DPH7: variants seen among roughly 807,000 people sequenced by gnomAD.
DPH7 encodes diphthine methyltransferase.
In DPH7, 44 loss-of-function variants were observed where a neutral mutation model predicts 41.7. The ratio of observed to expected loss-of-function variants is 1.05; its 90% CI spans 0.83 to 1.36. The LOEUF is 1.36. DPH7 is among the 40% of genes most tolerant of loss of function. The pLI is 0.00. For missense variants in DPH7, 629 were observed against 577.5 expected (o/e 1.09, Z -0.91); for synonymous variants, 275 against 238.0 (o/e 1.16, Z -1.43).
chr9:137,562,977 G>T (rs542277180), intron 8 of DPH7, among the ~76,000 whole-genome samples: 2 of 148,908 alleles, frequency 1.3e-5, no homozygotes, highest in South Asian at 4.3e-4. Flanking sequence ...AAAAAAAAAA[G>T]ATCTCAAATT....
At chr9:137,571,332 G>A (rs1056175301) in intron 5 of DPH7, among the ~76,000 whole-genome samples, 1 of 151,780 alleles carries the variant, frequency 6.6e-6, no homozygotes. Context: ...GACTACAGGC[G>A]CCTGCCACCA....
At chr9:137,578,583 G>A in intron 1 of DPH7, 42 bp downstream of exon 1, 1 of 1,432,388 alleles carries the variant, frequency 7.0e-7, no homozygotes. Context: ...TCAACCTCGT[G>A]GCCGGCCCCG....
chr9:137,562,827 C>T (rs891547308), intron 8 of DPH7, among the ~76,000 whole-genome samples: 5 of 151,946 alleles, frequency 3.3e-5, no homozygotes, highest in Admixed American at 6.6e-5. Flanking sequence ...ATTAGCCAGG[C>T]GTGGTGGCAC....
intron 5 of DPH7, among the ~76,000 whole-genome samples, chr9:137,571,073 G>A (rs879570858): frequency 3.3e-5 from 5 of 152,200 alleles, no homozygotes; most frequent in South Asian, 2.1e-4. Context: ...CAGGAGGATC[G>A]CTTGACCCTG....
At position 137,564,569 on chromosome 9, in the gene DPH7, T is replaced by G; in HGVS notation, c.814A>C (p.Met272Leu). ...EHILLWDTRN[M>L]KQPLADTPVQ... is the part of the protein sequence containing the mutation. ...GGCGTATCTGCCAACGGCTGCTTCA[T>G]GTTTCGTGTGTCCCACAGTAGGATG... is the stretch of plus-strand genomic sequence containing the variant. The change falls in exon 8 of 9, where the codon ATG becomes CTG. Residue 272 changes from methionine to leucine, a missense_variant. By Grantham distance (15) the Met-to-Leu change is conservative. Coordinates refer to ENST00000277540, the MANE Select transcript of DPH7 (RefSeq NM_138778.5). The G allele has an allele frequency of 6.2e-7, 1 of 1,613,898 alleles. No individual in the cohort carries two copies. The highest frequency in any genetic ancestry group is 8.5e-7 in the Non-Finnish European group (1 of 1,179,806).
At chr9:137,576,320 G>A in intron 2 of DPH7, 153 bp from the exon 3 acceptor site, 2 of 637,216 alleles carry the variant, frequency 3.1e-6, no homozygotes, top group Admixed American at 2.4e-5. Context: ...TTGATTATAT[G>A]GTATGGCCCA....
rs1378911277 is a variant in DPH7 at position 137,556,964 on chromosome 9, T to C, written c.950-1316A>G. On this transcript the variant is annotated intron_variant, in intron 8 of 8. Coordinates refer to ENST00000277540, the MANE Select transcript of DPH7 (RefSeq NM_138778.5). The surrounding 1 kb of genome is among the most constrained non-coding windows in gnomAD (Gnocchi z 5.2). Reference sequence around the variant, plus strand: ...GCCACAGGCCAACGTTTCCTCCCTCTTTTTATTTTCAAGACAGGACCTCAC... The same window carrying C: ...GCCACAGGCCAACGTTTCCTCCCTCCTTTTATTTTCAAGACAGGACCTCAC... 3 of 453,490 alleles carry C rather than the reference T, an allele frequency of 6.6e-6. No individual in the cohort carries two copies. The Admixed American group carries it at 7.1e-5, about 11-fold the overall frequency. The allele number at this position is 453,490 out of a possible 1,614,324, so 28.1% of individuals were successfully genotyped here.
intron 5 of DPH7, among the ~76,000 whole-genome samples, chr9:137,572,669 C>G (rs1157631525): frequency 2.6e-5 from 4 of 152,192 alleles, no homozygotes; most frequent in Non-Finnish European, 5.9e-5. Flanking sequence ...CATGAGTTAT[C>G]TCTACCTGGG....
At chr9:137,572,843 G>C (rs1840672936) in intron 5 of DPH7, among the ~76,000 whole-genome samples, 1 of 152,188 alleles carries the variant, frequency 6.6e-6, no homozygotes, top group African/African-American at 2.4e-5. Flanking sequence ...TATCCAAAAA[G>C]GGTGCAGACA....
intron 2 of DPH7, among the ~76,000 whole-genome samples, chr9:137,577,204 T>G (rs913181919): frequency 1.3e-5 from 2 of 152,138 alleles, no homozygotes; most frequent in Admixed American, 6.5e-5. Flanking sequence ...GCTCCAAAAG[T>G]GGGCTAGAGC....
intron 5 of DPH7, among the ~76,000 whole-genome samples, chr9:137,569,303 C>T (rs955404791): frequency 1.5e-5 from 2 of 136,812 alleles, no homozygotes; most frequent in Non-Finnish European, 3.2e-5. Context: ...ATCCATCCAC[C>T]CATGCCCCCA....
At chr9:137,558,424 T>C (rs1837899264) in intron 8 of DPH7, among the ~76,000 whole-genome samples, 1 of 152,070 alleles carries the variant, frequency 6.6e-6, no homozygotes, top group Non-Finnish European at 1.5e-5. Flanking sequence ...AAACTCACCA[T>C]AGCCAAAAGG....
At position 137,555,155 on chromosome 9, in the gene DPH7, G is replaced by A. The variant is rs1588754121; in HGVS notation, c.*84C>T. The A allele has an allele frequency of 2.0e-6, 3 of 1,473,432 alleles. No individual in the cohort carries two copies. Among genetic ancestry groups the A allele is most frequent in the Non-Finnish European group, 2.7e-6 (3 of 1,103,450 alleles). 91.3% of individuals were successfully genotyped at this position (1,473,432 alleles called of 1,614,324 possible). On this transcript the variant is annotated 3_prime_UTR_variant, in exon 9 of 9. Transcript: ENST00000277540. ...ACAGGCACCTGCAGGGCTGCAGTAA[G>A]CATCTCTGATGAGGTGGTCCCGGGC...
At chr9:137,564,819 GGAA>G (rs1220334539) in intron 7 of DPH7, 71 bp downstream of exon 7, 6 of 1,519,232 alleles carry the variant, frequency 3.9e-6, no homozygotes, top group Non-Finnish European at 5.4e-6. Context: ...AGCGAAAGAG[GGAA>G]GAAGGGCCCA....
Position 137,574,329 on chromosome 9 carries a change from G to A in DPH7, c.519C>T (p.Leu173=), listed in dbSNP as rs760273468. 6.2e-7 allele frequency: 1 copy of A among 1,614,196 alleles called. No individual in the cohort carries two copies. The highest frequency in any genetic ancestry group is 8.5e-7 in the Non-Finnish European group (1 of 1,180,044). The part of the protein sequence containing the change: ...KIISSDSTGQ[L]HLLMVNETRP... The stretch of plus-strand genomic sequence containing the variant: ...TCGTCTCATTCACCATCAGGAGGTG[G>A]AGCTGCCCTGTGGAGTCACTGCTGA... The change falls in exon 5 of 9, where the codon CTC becomes CTT. Residue 173 remains leucine (L), a synonymous_variant. Coordinates refer to ENST00000277540, the MANE Select transcript of DPH7 (RefSeq NM_138778.5).
chr9:137,577,368 G>T (rs1468975555), intron 2 of DPH7, 102 bp downstream of exon 2: 7 of 1,214,936 alleles, frequency 5.8e-6, no homozygotes, highest in African/African-American at 1.5e-5. Context: ...CAAATCCAAA[G>T]TTGAGATGCA....
In DPH7 at chr9:137,564,601, T is replaced by C. The variant is rs1428497099; in HGVS notation, c.782A>G (p.Asp261Gly). ...TGTGTCCCACAGTAGGATGTGTTCA[T>C]CATAGCTGAAACCGACCAACCACAG... ...REHILATGSY[D>G]EHILLWDTRN... is the part of the protein sequence containing the mutation. Residue 261 changes from aspartate (D) to glycine (G), a missense_variant, in exon 8 of 9, where the codon GAT becomes GGT. Asp to Gly is a moderately conservative substitution (Grantham distance 94). Transcript: ENST00000277540. The C allele has an allele frequency of 1.1e-5, 17 of 1,610,196 alleles. No individual in the cohort carries two copies. The highest frequency in any genetic ancestry group is 1.4e-5 in the Non-Finnish European group (17 of 1,176,930).
intron 5 of DPH7, among the ~76,000 whole-genome samples, chr9:137,569,846 CCCA>C (rs983027286): frequency 1.3e-5 from 2 of 148,666 alleles, no homozygotes; most frequent in Admixed American, 6.7e-5. Flanking sequence ...CCACCACACA[CCCA>C]CCAACTCATC....
intron 2 of DPH7, among the ~76,000 whole-genome samples, chr9:137,577,076 A>G (rs1172682643): frequency 6.6e-6 from 1 of 152,008 alleles, no homozygotes; most frequent in African/African-American, 2.4e-5. Context: ...ATTAAAAAGG[A>G]TAAAAACTGG....
Sources: allele counts gnomAD v4.1 joint callset (sites outside exome capture counted in the v4.1 genomes callset), GRCh38; gene constraint gnomAD v4.1.1; non-coding constraint Gnocchi (gnomAD v3.1); transcripts MANE v1.5; gene names NCBI Gene and HGNC (gene_info 2026-07-23, HGNC 2026-07-21).